The following SLC5A9 variants were observed in gnomAD, a reference collection of about 807,000 sequenced individuals.
SLC5A9 encodes the protein sodium/glucose cotransporter 4.
SLC5A9 carries 59 observed loss-of-function variants against 70.9 expected under a neutral mutation model. That is an observed-to-expected ratio of 0.83 (90% confidence interval 0.68 to 1.03). The LOEUF is 1.03. Ranked by LOEUF, SLC5A9 falls within the 50% of genes least tolerant of loss-of-function variation. The pLI is 0.00. For missense variants in SLC5A9, 832 were observed against 881.1 expected (o/e 0.94, Z 0.71); for synonymous variants, 340 against 346.5 (o/e 0.98, Z 0.21).
At chr1:48,232,906 G>A (rs1396368598) in intron 8 of SLC5A9, among the ~76,000 whole-genome samples, 1 of 130,824 alleles carries the variant, frequency 7.6e-6, no homozygotes, top group Admixed American at 8.5e-5. Context: ...AGGAAGGAAG[G>A]AGAAGAAAGG....
intron 9 of SLC5A9, 144 bp from the exon 10 acceptor site, chr1:48,235,584 CT>C: frequency 1.1e-6 from 1 of 891,646 alleles, no homozygotes; most frequent in South Asian, 1.7e-5. Flanking sequence ...CTTATCTGTG[CT>C]GGATGGGAGC....
At chr1:48,244,878 G>GTGTATATATATATATATATATATA (rs1391896495) in intron 13 of SLC5A9, among the ~76,000 whole-genome samples, 1 of 29,418 alleles carries the variant, frequency 3.4e-5, no homozygotes, top group African/African-American at 8.4e-5. Context: ...ATGTGTATGT[G>GTGTATATATATATATATATATATA]TATATATATA....
At chr1:48,235,598 C>T in intron 9 of SLC5A9, 131 bp from the exon 10 acceptor site, 1 of 1,062,342 alleles carries the variant, frequency 9.4e-7, no homozygotes, top group South Asian at 1.5e-5. Flanking sequence ...ATGGGAGCCT[C>T]ATCCAACCCC....
intron 3 of SLC5A9, 119 bp downstream of exon 3, chr1:48,229,073 C>G (rs1644207396): frequency 1.9e-6 from 3 of 1,614,018 alleles, no homozygotes; most frequent in Middle Eastern, 3.3e-4. Flanking sequence ...AATCGAGAAT[C>G]CATTTCACAA....
Position 48,222,839 on chromosome 1 carries a change from G to A in SLC5A9, c.103G>A (p.Ala35Thr), listed in dbSNP as rs140121983. The A allele has an allele frequency of 1.5e-5, 25 of 1,614,046 alleles. No individual in the cohort carries two copies. Among genetic ancestry groups the A allele is most frequent in the African/African-American group, 4.0e-5 (3 of 74,916 alleles). ...ACTGGACTCCAGAGTTGGTCTGCACGCCTACGACATCAGCGTGGTGGTCAT... is the reference window on the plus strand; with the variant it reads ...ACTGGACTCCAGAGTTGGTCTGCACACCTACGACATCAGCGTGGTGGTCAT... Reference protein sequence around the residue: ...IALDSRVGLHAYDISVVVIYF... With the variant: ...IALDSRVGLHTYDISVVVIYF... The change falls in exon 1 of 14, where the codon GCC becomes ACC. Residue 35 changes from alanine (A) to threonine (T), a missense_variant. Transcript: ENST00000438567.
At chr1:48,241,156 C>A (rs1644386522) in intron 12 of SLC5A9, 1 of 152,184 alleles carries the variant, frequency 6.6e-6, no homozygotes, top group Non-Finnish European at 1.5e-5. Flanking sequence ...TGGCCTATAA[C>A]CTGTCTCACC....
chr1:48,232,653 C>T, intron 8 of SLC5A9, 151 bp downstream of exon 8: 3 of 1,015,170 alleles, frequency 3.0e-6, no homozygotes, highest in Non-Finnish European at 4.2e-6. Flanking sequence ...TGGTGGCATG[C>T]ACCCATAGAC....
At chr1:48,232,821 AGAG>A in intron 8 of SLC5A9, among the ~76,000 whole-genome samples, 3 of 150,808 alleles carry the variant, frequency 2.0e-5, no homozygotes, top group Non-Finnish European at 3.0e-5. Context: ...AGAGAAGAGA[AGAG>A]AAAAGAGGGA....
At position 48,247,296 on chromosome 1, in the gene SLC5A9, C is replaced by A. The variant is rs766598303; in HGVS notation, c.1838-39C>A. 8 of 1,593,736 alleles carry A rather than the reference C, an allele frequency of 5.0e-6. No individual in the cohort carries two copies. In the Middle Eastern group the frequency reaches 7.2e-4, roughly 143 times the overall value. ...TTTCTCCAATCTTCTTTGCCTCTCC[C>A]CTCCTGCTCTCCTTTGTCTTCTGGC... is the stretch of plus-strand genomic sequence containing the variant. On this transcript the variant is annotated intron_variant, in intron 13 of 13. Transcript: ENST00000438567.
chr1:48,226,053 G>C (rs2148562173), intron 2 of SLC5A9, among the ~76,000 whole-genome samples: 1 of 152,310 alleles, frequency 6.6e-6, no homozygotes. Flanking sequence ...GAAGAAGTAG[G>C]AGCAGGGAGC....
chr1:48,226,167 C>A (rs898167686), intron 2 of SLC5A9, among the ~76,000 whole-genome samples: 3 of 152,106 alleles, frequency 2.0e-5, no homozygotes, highest in Non-Finnish European at 2.9e-5. Context: ...ACCTTCTCAT[C>A]AGGAAAAAGG....
At chr1:48,241,911 T>C (rs1162796386) in intron 12 of SLC5A9, 1 of 456,240 alleles carries the variant, frequency 2.2e-6, no homozygotes, top group Non-Finnish European at 4.4e-6. Context: ...AGTCATGGTG[T>C]CCTGATTTCA....
intron 12 of SLC5A9, chr1:48,242,210 G>A (rs547362618): frequency 3.6e-5 from 19 of 526,388 alleles, no homozygotes; most frequent in Non-Finnish European, 6.6e-5. Context: ...GCCCAGGTGT[G>A]TTTCAGGTCT....
At chr1:48,223,059 C>T (rs929860166) in intron 1 of SLC5A9, among the ~76,000 whole-genome samples, 161 bp downstream of exon 1, 4 of 152,062 alleles carry the variant, frequency 2.6e-5, no homozygotes, top group African/African-American at 9.7e-5. Context: ...CTGATCTCCT[C>T]ATTTTTAGAA....
In SLC5A9 at chr1:48,242,463, C is replaced by T. The variant is rs370215281; in HGVS notation, c.1684C>T (p.Arg562Cys). The change falls in exon 13 of 14, where the codon CGC becomes TGC. Residue 562 changes from arginine to cysteine, a missense_variant. Arg to Cys is a radical substitution (Grantham distance 180, BLOSUM62 -3). Transcript: ENST00000438567. ...TTPIPEEQLT[R>C]LTWWTRNCPL... ...GTGTCTTCTTTCCCTCCAGCTCACACGCCTCACATGGTGGACTCGGAACTG... is the reference window on the plus strand; with the variant it reads ...GTGTCTTCTTTCCCTCCAGCTCACATGCCTCACATGGTGGACTCGGAACTG... The T allele has an allele frequency of 1.6e-5, 25 of 1,602,258 alleles. No homozygotes were observed. The highest frequency in any genetic ancestry group is 5.4e-5 in the African/African-American group (4 of 74,604).
chr1:48,242,044 T>C, intron 12 of SLC5A9: 1 of 458,150 alleles, frequency 2.2e-6, no homozygotes, highest in Admixed American at 2.3e-5. Flanking sequence ...TTACAGTCTA[T>C]CTGCTGCTTA....
chr1:48,231,672 C>A (rs1414517935), intron 6 of SLC5A9, 47 bp downstream of exon 6: 1 of 1,604,106 alleles, frequency 6.2e-7, no homozygotes. Flanking sequence ...TTAAATTCCT[C>A]TCTGTCCTGT....
Position 48,247,590 on chromosome 1 carries a change from C to G in SLC5A9, c.*47C>G. 6.3e-7 allele frequency: 1 copy of G among 1,581,592 alleles called. No homozygotes were observed. The highest frequency in any genetic ancestry group is 8.7e-7 in the Non-Finnish European group (1 of 1,150,736). ...GTAGACAGATTAAACAAAGCCCAAG[C>G]CTGTCAGCCACAGAAACAGGCTCTC... On this transcript the variant is annotated 3_prime_UTR_variant, in exon 14 of 14. Transcript: ENST00000438567.
rs758268185 is a variant in SLC5A9 at position 48,229,244 on chromosome 1, T to G, written c.340-51T>G. 111 of 1,613,848 alleles carry G rather than the reference T, an allele frequency of 6.9e-5. No homozygotes were observed. The South Asian group carries it at 1.1e-3, about 17-fold the overall frequency. ...CTGCCTCTGGGTGGGAAGCCGCCCC[T>G]CTGTCTACATCCAGGACCTGGATAC... On this transcript the variant is annotated intron_variant, in intron 3 of 13. Transcript: ENST00000438567.
Sources: allele counts gnomAD v4.1 joint callset (sites outside exome capture counted in the v4.1 genomes callset), GRCh38; gene constraint gnomAD v4.1.1; transcripts MANE v1.5; gene names NCBI Gene and HGNC (gene_info 2026-07-23, HGNC 2026-07-21).